Variants in NPAS3 observed in about 807,000 individuals in gnomAD.
NPAS3 encodes neuronal PAS domain-containing protein 3.
Under a neutral mutation model 73.1 loss-of-function variants are expected in NPAS3, and 14 were observed. The ratio of observed to expected loss-of-function variants is 0.19; its 90% CI spans 0.13 to 0.30. The LOEUF is 0.30. Among genes scored for constraint, NPAS3 ranks in the 10% least tolerant of loss-of-function variants. The pLI, the probability that NPAS3 is intolerant of heterozygous loss-of-function variation, is 1.00. For missense variants in NPAS3, 1,096 were observed against 1,250.0 expected (o/e 0.88, Z 1.86); for synonymous variants, 620 against 541.5 (o/e 1.14, Z -2.01).
intron 1 of NPAS3, among the ~76,000 whole-genome samples, chr14:33,021,384 G>C (rs2138261978): frequency 6.6e-6 from 1 of 152,284 alleles, no homozygotes; most frequent in East Asian, 1.9e-4. Context: ...CAGTAAGTGG[G>C]AGTTATTTTT....
intron 7 of NPAS3, among the ~76,000 whole-genome samples, chr14:33,752,956 C>G (rs1024687484): frequency 6.6e-6 from 1 of 152,118 alleles, no homozygotes; most frequent in Admixed American, 6.5e-5. Context: ...AATCTTTTAA[C>G]TTACTGACTT....
chr14:33,624,029 T>G (rs928241827), intron 5 of NPAS3, among the ~76,000 whole-genome samples: 4 of 152,160 alleles, frequency 2.6e-5, no homozygotes, highest in Non-Finnish European at 5.9e-5. Flanking sequence ...CTCCGTGAAG[T>G]TTCTCAGACT....
At chr14:33,690,819 G>A (rs528563699) in intron 6 of NPAS3, among the ~76,000 whole-genome samples, 2 of 149,404 alleles carry the variant, frequency 1.3e-5, no homozygotes, top group East Asian at 4.0e-4. Flanking sequence ...CAGTAAACTG[G>A]CATATTTTGG....
At chr14:33,702,991 T>C (rs1350084981) in intron 6 of NPAS3, among the ~76,000 whole-genome samples, 1 of 152,152 alleles carries the variant, frequency 6.6e-6, no homozygotes, top group African/African-American at 2.4e-5. Flanking sequence ...AACTTTCCAA[T>C]TGAATTAGGA....
intron 2 of NPAS3, among the ~76,000 whole-genome samples, chr14:33,142,802 C>A (rs1256587229): frequency 2.6e-5 from 4 of 152,298 alleles, no homozygotes; most frequent in Middle Eastern, 3.4e-3. Flanking sequence ...TGGCAGTTCT[C>A]TTGATTTCAA....
chr14:33,100,333 CT>C (rs2042546093), intron 2 of NPAS3, among the ~76,000 whole-genome samples: 2 of 152,082 alleles, frequency 1.3e-5, no homozygotes, highest in Admixed American at 1.3e-4. Context: ...TTTTGAAAAA[CT>C]TTTGTCATGA....
At chr14:33,213,495 G>A (rs1172263315) in intron 2 of NPAS3, among the ~76,000 whole-genome samples, 5 of 152,122 alleles carry the variant, frequency 3.3e-5, no homozygotes, top group Admixed American at 6.5e-5. Flanking sequence ...TTATACTTAC[G>A]CTTTGTCAGA....
chr14:33,800,594 G>A lies in NPAS3; in HGVS notation c.2287G>A (p.Gly763Ser), dbSNP rs1176433255. 6.2e-6 allele frequency: 8 copies of A among 1,300,030 alleles called. No homozygotes were observed. The East Asian group carries it at 1.3e-4, about 21-fold the overall frequency. The allele number at this position is 1,300,030 out of a possible 1,614,324, so 80.5% of individuals were successfully genotyped here. A position where few individuals can be genotyped will look rare whatever the true frequency, so the allele number is the denominator to read the frequency against. ...CCCGCGGGACAAGCACCCCGGGAACGGCGGCGGGGGCGGGGGCGGGGGCGG... is the reference window on the plus strand; with the variant it reads ...CCCGCGGGACAAGCACCCCGGGAACAGCGGCGGGGGCGGGGGCGGGGGCGG... The change falls in exon 12 of 12, where the codon GGC (glycine) becomes AGC (serine). Residue 763 changes from glycine (G) to serine (S), a missense_variant. This residue lies in a region of NPAS3 where 698 missense variants were observed against 676.7 expected (regional missense o/e 1.03). Coordinates refer to ENST00000356141, the Ensembl canonical transcript of NPAS3. This position sits in a 1 kb window ranked among gnomAD's most constrained non-coding sequence, Gnocchi z 6.5.
intron 3 of NPAS3, among the ~76,000 whole-genome samples, chr14:33,345,135 T>C (rs2044667738): frequency 6.6e-6 from 1 of 152,160 alleles, no homozygotes; most frequent in African/African-American, 2.4e-5. Flanking sequence ...ATATTTCCAT[T>C]TTTCCAAAAA....
chr14:33,669,877 TG>T (rs1199770945), intron 5 of NPAS3, among the ~76,000 whole-genome samples: 1 of 152,172 alleles, frequency 6.6e-6, no homozygotes, highest in Non-Finnish European at 1.5e-5. Flanking sequence ...CAGTATCTCT[TG>T]TTTTTGTTGT....
At chr14:33,293,595 A>C (rs375687840) in intron 3 of NPAS3, among the ~76,000 whole-genome samples, 3 of 152,324 alleles carry the variant, frequency 2.0e-5, no homozygotes, top group South Asian at 2.1e-4. Context: ...TGGAAAGCCT[A>C]ATACAACGCT....
intron 2 of NPAS3, among the ~76,000 whole-genome samples, chr14:33,076,775 T>C (rs2041672995): frequency 6.6e-6 from 1 of 152,246 alleles, no homozygotes; most frequent in Admixed American, 6.5e-5. Flanking sequence ...CATCTTTATC[T>C]GATTAATCCA....
intron 1 of NPAS3, among the ~76,000 whole-genome samples, chr14:33,012,990 A>AGAT (rs2039265201): frequency 6.6e-6 from 1 of 152,228 alleles, no homozygotes; most frequent in Non-Finnish European, 1.5e-5. Flanking sequence ...CAGTGGGAAT[A>AGAT]GATGGGTTTT....
chr14:33,294,569 G>A (rs1372190792), intron 3 of NPAS3, among the ~76,000 whole-genome samples: 1 of 151,932 alleles, frequency 6.6e-6, no homozygotes, highest in East Asian at 1.9e-4. Context: ...ATGAAATCAG[G>A]GATAGTATTT....
At chr14:33,133,190 A>G (rs1301971300) in intron 2 of NPAS3, among the ~76,000 whole-genome samples, 1 of 152,166 alleles carries the variant, frequency 6.6e-6, no homozygotes, top group African/African-American at 2.4e-5. Context: ...TAAGCCAACA[A>G]ATATATAATA....
intron 2 of NPAS3, among the ~76,000 whole-genome samples, chr14:33,167,877 C>T (rs924414248): frequency 3.3e-5 from 5 of 152,120 alleles, no homozygotes; most frequent in African/African-American, 7.2e-5. Context: ...TTTACAATAA[C>T]GAAAATCCTT....
chr14:33,276,725 T>C (rs2041353081), intron 3 of NPAS3, among the ~76,000 whole-genome samples: 1 of 152,106 alleles, frequency 6.6e-6, no homozygotes, highest in Admixed American at 6.6e-5. Flanking sequence ...ACTTGGCATA[T>C]AGAAGGTAAT....
At chr14:33,548,834 C>T (rs1309868053) in intron 4 of NPAS3, among the ~76,000 whole-genome samples, 2 of 152,094 alleles carry the variant, frequency 1.3e-5, no homozygotes, top group Non-Finnish European at 2.9e-5. Context: ...TCTGACTTCA[C>T]CTAAAGAACC....
chr14:33,028,984 C>A (rs75639040), intron 1 of NPAS3, among the ~76,000 whole-genome samples: 2,045 of 152,170 alleles, frequency 0.013, 41 homozygotes, highest in African/African-American at 0.046. Context: ...TCCTTCCCCC[C>A]CGCCCCTGAT....
Sources: gnomAD v4.1 joint callset for allele counts (sites outside exome capture counted in the v4.1 genomes callset) on GRCh38, gnomAD v4.1.1 for gene constraint, gnomAD v4.1.1 regional missense constraint, Gnocchi (gnomAD v3.1) non-coding constraint, MANE v1.5 for transcripts, NCBI Gene and HGNC (gene_info 2026-07-23, HGNC 2026-07-21) for gene names.